The following FAT2 variants were observed in gnomAD, a reference collection of about 807,000 sequenced individuals.
FAT2 encodes FAT atypical cadherin 2.
Under a neutral mutation model 295.3 loss-of-function variants are expected in FAT2, and 150 were observed. The observed-to-expected ratio is 0.51, with a 90% CI of 0.44 to 0.58. The LOEUF (loss-of-function observed/expected upper bound fraction) is 0.58. FAT2 is among the 20% of genes least tolerant of loss of function. The pLI is 0.00. For missense variants in FAT2, 4,868 were observed against 5,442.7 expected (o/e 0.89, Z 3.32); for synonymous variants, 2,026 against 2,150.3 (o/e 0.94, Z 1.60).
rs146101696 is a variant in FAT2 at position 151,543,998 on chromosome 5, G to A, written c.7129C>T (p.Pro2377Ser). Residue 2377 changes from proline to serine, a missense_variant, in exon 10 of 24, where the codon CCA (proline) becomes TCA (serine). Pro to Ser is a moderately conservative substitution (Grantham distance 74, BLOSUM62 -1). Coordinates refer to ENST00000261800, the MANE Select transcript of FAT2 (RefSeq NM_001447.3). The stretch of plus-strand genomic sequence containing the variant: ...TCATATTGAGGTTGTCTGAACTCTG[G>A]GGGGTTGTCATTGATATCAGACACA... Reference protein sequence around the residue: ...VNVSDINDNPPEFRQPQYEAN... With the variant: ...VNVSDINDNPSEFRQPQYEAN... The A allele has an allele frequency of 7.0e-5, 113 of 1,614,034 alleles. No homozygotes were observed. Among genetic ancestry groups the A allele is most frequent in the Non-Finnish European group, 9.1e-5 (107 of 1,180,042 alleles).
intron 20 of FAT2, among the ~76,000 whole-genome samples, chr5:151,515,279 T>A (rs1326765496): frequency 6.6e-6 from 1 of 152,240 alleles, no homozygotes; most frequent in African/African-American, 2.4e-5. Context: ...TCTCCTTTGT[T>A]GAATCCCCTC....
intron 16 of FAT2, 70 bp from the exon 17 acceptor site, chr5:151,527,447 A>G: frequency 1.4e-6 from 2 of 1,425,134 alleles, no homozygotes; most frequent in Middle Eastern, 4.0e-4. Flanking sequence ...CTGAGTCATC[A>G]CTAATATTTT....
intron 1 of FAT2, among the ~76,000 whole-genome samples, chr5:151,582,201 T>C (rs754563012): frequency 2.0e-5 from 3 of 152,186 alleles, no homozygotes; most frequent in Admixed American, 6.5e-5. Flanking sequence ...ACTAATGAGA[T>C]GCAAATGAGC....
chr5:151,544,149 C>G lies in FAT2; in HGVS notation c.6978G>C (p.Gly2326=). Residue 2326 remains glycine, a synonymous_variant, in exon 10 of 24, where the codon GGG becomes GGC. Coordinates refer to ENST00000261800, the MANE Select transcript of FAT2 (RefSeq NM_001447.3). ...GAACTGTGGACATCTCCCCTGTGCT[C>G]CCATTGATCTGGAAGAACTTGGAAA... ...SDVSKFFQIN[G]STGEMSTVQE... 6.2e-7 allele frequency: 1 copy of G among 1,614,194 alleles called. No individual in the cohort carries two copies. Among genetic ancestry groups the G allele is most frequent in the Non-Finnish European group, 8.5e-7 (1 of 1,180,028 alleles).
rs777381994 is a variant in FAT2 at position 151,591,303 on chromosome 5, G to T, written c.-159C>A. On this transcript the variant is annotated 5_prime_UTR_variant, in exon 1 of 24. Coordinates refer to ENST00000261800, the MANE Select transcript of FAT2 (RefSeq NM_001447.3). ...AGGCGCGCAGCCCGCAGCCGGAGAG[G>T]CTGCTGAGAAAGTTGGAGTAGGTGT... 6.6e-6 allele frequency among the ~76,000 whole-genome samples: 1 copy of T among 152,224 alleles called. No homozygotes were observed. Among genetic ancestry groups the T allele is most frequent in the Non-Finnish European group, 1.5e-5 (1 of 68,038 alleles).
intron 1 of FAT2, among the ~76,000 whole-genome samples, chr5:151,581,324 T>C (rs766384167): frequency 6.6e-6 from 1 of 152,148 alleles, no homozygotes; most frequent in Non-Finnish European, 1.5e-5. Context: ...GTGATGAAGA[T>C]GACAATCCAG....
At position 151,543,750 on chromosome 5, in the gene FAT2, T is replaced by G. The variant is rs1756377220; in HGVS notation, c.7377A>C (p.Gly2459=). The change falls in exon 10 of 24, where the codon GGA becomes GGC. Residue 2459 remains glycine, a synonymous_variant. Transcript: ENST00000261800. ...SYNLRVGASD[G]VFRATVPVYI... The stretch of plus-strand genomic sequence containing the variant: ...ACACAGGCACAGTTGCTCGGAAGAC[T>G]CCATCAGAAGCACCTACCCTCAAAT... The G allele has an allele frequency of 6.2e-7, 1 of 1,614,066 alleles. No individual in the cohort carries two copies. Among genetic ancestry groups the G allele is most frequent in the Admixed American group, 1.7e-5 (1 of 60,008 alleles).
Position 151,565,727 on chromosome 5 carries a change from ACTGGAG to A in FAT2, c.3199_3204del (p.Leu1067_Gln1068del), listed in dbSNP as rs774995197. 1.9e-6 allele frequency: 3 copies of A among 1,607,878 alleles called. No homozygotes were observed. The highest frequency in any genetic ancestry group is 2.5e-6 in the Non-Finnish European group (3 of 1,176,602). On this transcript the variant is annotated inframe_deletion, in exon 2 of 24. Coordinates refer to ENST00000261800, the MANE Select transcript of FAT2 (RefSeq NM_001447.3). ...AGTCCAGTGCCAGCACGCAGGAAGT[ACTGGAG>A]CTCCCCATCCAAGCCACTGTCATCG...
intron 12 of FAT2, among the ~76,000 whole-genome samples, chr5:151,537,277 T>C (rs115742095): frequency 2.3e-5 from 3 of 132,778 alleles, no homozygotes; most frequent in Admixed American, 7.6e-5. Context: ...ATGGTGGTGG[T>C]GGAGGAGGAG....
At chr5:151,559,101 T>G (rs1757908434) in intron 3 of FAT2, among the ~76,000 whole-genome samples, 1 of 152,212 alleles carries the variant, frequency 6.6e-6, no homozygotes, top group Admixed American at 6.5e-5. Flanking sequence ...GGGGGCTCAG[T>G]GACAGAGCTG....
At position 151,543,083 on chromosome 5, in the gene FAT2, C is replaced by T. The variant is rs752820271; in HGVS notation, c.8044G>A (p.Val2682Ile). Residue 2682 changes from valine to isoleucine, a missense_variant, in exon 10 of 24, where the codon GTT (valine) becomes ATT (isoleucine). This residue lies in a region of FAT2 where 3,297 missense variants were observed against 3,669.4 expected (regional missense o/e 0.90). Transcript: ENST00000261800. ...NSLVPVRLQV[V>I]PKKVSLPKFS... ...TTCGGTAAGGATACTTTTTTAGGAA[C>T]CACCTGAAGTCGTACTGGCACCAGA... 1.2e-6 allele frequency: 2 copies of T among 1,614,032 alleles called. No individual in the cohort carries two copies. The highest frequency in any genetic ancestry group is 3.3e-5 in the Admixed American group (2 of 59,994).
intron 1 of FAT2, among the ~76,000 whole-genome samples, chr5:151,586,353 T>C (rs1378505572): frequency 6.6e-6 from 1 of 152,236 alleles, no homozygotes; most frequent in Non-Finnish European, 1.5e-5. Context: ...TAGATGGCAT[T>C]TTCCTGTTGC....
intron 20 of FAT2, 57 bp downstream of exon 20, chr5:151,517,563 C>G (rs953541321): frequency 2.5e-6 from 4 of 1,606,298 alleles, no homozygotes; most frequent in Admixed American, 3.3e-5. Context: ...TGCCTCACCC[C>G]CTACCTCCCC....
chr5:151,534,779 A>G, intron 12 of FAT2, 137 bp from the exon 13 acceptor site: 1 of 653,766 alleles, frequency 1.5e-6, no homozygotes, highest in South Asian at 2.0e-5. Context: ...TACAGTCAGG[A>G]AAGCAGCTAA....
In FAT2 at chr5:151,505,303, T is replaced by TG. The variant is rs1760752117; in HGVS notation, c.*261_*262insC. 3.5e-5 allele frequency: 19 copies of TG among 537,962 alleles called. No individual in the cohort carries two copies. The South Asian group carries it at 4.8e-4, about 13-fold the overall frequency. The allele number at this position is 537,962 out of a possible 1,614,324, so 33.3% of individuals were successfully genotyped here. On this transcript the variant is annotated 3_prime_UTR_variant, in exon 24 of 24. Transcript: ENST00000261800. ...CTCGCCCACCCCGGGAGTCAATTGT[T>TG]CCTGGTTTTCCAGGGTCACTGCTCT...
chr5:151,526,016 T>C (rs1753946379), intron 17 of FAT2, 51 bp from the exon 18 acceptor site: 1 of 1,564,570 alleles, frequency 6.4e-7, no homozygotes, highest in Non-Finnish European at 8.7e-7. Context: ...GTCCCGGTCC[T>C]TCCTTTCGCA....
At position 151,537,929 on chromosome 5, in the gene FAT2, C is replaced by T. The variant is rs375583632; in HGVS notation, c.9057G>A (p.Lys3019=). Residue 3019 remains lysine (K), a synonymous_variant, in exon 12 of 24, where the codon AAG becomes AAA. Transcript: ENST00000261800. ...PQCSQLLYTG[K]VHEDVFPGHF... is the part of the protein sequence containing the mutation. ...GTCCTGGAAATACATCTTCATGAAC[C>T]TTGCCAGTATAGAGAAGCTAGAGAT... 22 of 1,613,912 alleles carry T rather than the reference C, an allele frequency of 1.4e-5. No homozygotes were observed. In the Admixed American group the frequency reaches 2.2e-4, roughly 16 times the overall value.
intron 2 of FAT2, 123 bp downstream of exon 2, chr5:151,565,550 T>G: frequency 1.1e-6 from 1 of 927,402 alleles, no homozygotes; most frequent in Non-Finnish European, 1.6e-6. Flanking sequence ...GAATCCCTAT[T>G]TATTGCCTTT....
upstream of FAT2, among the ~76,000 whole-genome samples, chr5:151,593,304 C>T (rs900170971): frequency 6.9e-6 from 1 of 145,180 alleles, no homozygotes. Context: ...GACTGTCTTC[C>T]CTCGGGGGCC....
Sources: allele counts gnomAD v4.1 joint callset (sites outside exome capture counted in the v4.1 genomes callset), GRCh38; gene constraint gnomAD v4.1.1; regional missense constraint gnomAD v4.1.1; transcripts MANE v1.5; gene names NCBI Gene and HGNC (gene_info 2026-07-23, HGNC 2026-07-21).